The following DACH2 variants were observed in gnomAD, a reference collection of about 807,000 sequenced individuals.
DACH2 encodes dachshund homolog 2.
Under a neutral mutation model 35.8 loss-of-function variants are expected in DACH2, and 17 were observed. The observed-to-expected ratio is 0.48, with a 90% CI of 0.33 to 0.71. The LOEUF (loss-of-function observed/expected upper bound fraction) is 0.71, where lower values mean the gene tolerates loss of function less well. Among genes scored for constraint, DACH2 ranks in the 30% least tolerant of loss-of-function variants. The probability of loss-of-function intolerance (pLI) is 0.02; values close to 1 mark genes in which losing one functional copy is unlikely to be tolerated. For missense variants in DACH2, 469 were observed against 472.7 expected (o/e 0.99, Z 0.07); for synonymous variants, 195 against 177.3 (o/e 1.10, Z -0.79).
chrX:86,517,735 T>C (rs931175251), intron 3 of DACH2, among the ~76,000 whole-genome samples: 35 of 111,634 alleles, frequency 3.1e-4, no homozygotes, highest in African/African-American at 1.1e-3. Flanking sequence ...CGCTTTTTAA[T>C]GGGGTTGTTT....
At chrX:86,822,497 T>TAAG (rs1476471133) in intron 11 of DACH2, among the ~76,000 whole-genome samples, 1 of 112,246 alleles carries the variant, frequency 8.9e-6, no homozygotes, top group Admixed American at 9.5e-5. Flanking sequence ...GAAAATAACC[T>TAAG]AAGTTAATTT....
intron 1 of DACH2, among the ~76,000 whole-genome samples, chrX:86,257,177 G>A (rs2033536770): frequency 9.0e-6 from 1 of 111,242 alleles, no homozygotes; most frequent in Non-Finnish European, 1.9e-5. Context: ...TGGGCGTATT[G>A]ATTGTATTTT....
At chrX:86,248,039 C>G (rs1460952164) in intron 1 of DACH2, among the ~76,000 whole-genome samples, 1 of 110,713 alleles carries the variant, frequency 9.0e-6, no homozygotes, top group Admixed American at 9.6e-5. Context: ...AAAAATACCT[C>G]AAAATAATAA....
intron 4 of DACH2, among the ~76,000 whole-genome samples, chrX:86,689,278 G>A (rs188445931): frequency 9.0e-6 from 1 of 111,384 alleles, no homozygotes; most frequent in East Asian, 2.8e-4. Flanking sequence ...TACAGGAAAA[G>A]CAAATAAAAG....
intron 1 of DACH2, among the ~76,000 whole-genome samples, chrX:86,371,020 A>T (rs978672428): frequency 7.2e-5 from 8 of 111,249 alleles, no homozygotes; most frequent in African/African-American, 2.6e-4. Context: ...TATTTTTGAT[A>T]TTCTTTGTTT....
In DACH2 at chrX:86,677,973, C is replaced by T. The variant is rs192585418; in HGVS notation, c.773-17048C>T. ...AATACTTGGAGGGAGTCAGGGTAAA[C>T]AGCCATGAATGCCACCTCTGGCAGA... On this transcript the variant is annotated intron_variant, in intron 4 of 11. Coordinates refer to ENST00000373125, the MANE Select transcript of DACH2 (RefSeq NM_053281.3). 4.0e-4 allele frequency among the ~76,000 whole-genome samples: 45 copies of T among 112,315 alleles called. No homozygotes were observed. The East Asian group carries it at 0.012, about 29-fold the overall frequency.
intron 1 of DACH2, among the ~76,000 whole-genome samples, chrX:86,167,900 A>G (rs2030997482): frequency 9.0e-6 from 1 of 111,703 alleles, no homozygotes; most frequent in Admixed American, 9.5e-5. Flanking sequence ...TAGTCAGAGA[A>G]GATGTTTGAT....
At chrX:86,740,510 C>T (rs1284662047) in intron 7 of DACH2, among the ~76,000 whole-genome samples, 1 of 75,030 alleles carries the variant, frequency 1.3e-5, no homozygotes, top group Non-Finnish European at 2.5e-5. Flanking sequence ...CCCCTCCCCC[C>T]ACCCCACAAC....
At chrX:86,371,523 T>A in intron 1 of DACH2, among the ~76,000 whole-genome samples, 1 of 111,197 alleles carries the variant, frequency 9.0e-6, no homozygotes, top group Middle Eastern at 4.2e-3. Context: ...TTTGTTTGGA[T>A]GCCTCCTACA....
At chrX:86,189,892 G>A (rs1297568527) in intron 1 of DACH2, among the ~76,000 whole-genome samples, 3 of 110,399 alleles carry the variant, frequency 2.7e-5, no homozygotes, top group Non-Finnish European at 3.8e-5. Flanking sequence ...GGCTGGGCAC[G>A]GTGGCTCAAG....
At chrX:86,263,264 T>C (rs2147964437) in intron 1 of DACH2, among the ~76,000 whole-genome samples, 1 of 112,126 alleles carries the variant, frequency 8.9e-6, no homozygotes, top group Admixed American at 9.5e-5. Context: ...AAGTAGCCAA[T>C]GCCTTTAAAA....
intron 1 of DACH2, among the ~76,000 whole-genome samples, chrX:86,292,915 G>A (rs1269404803): frequency 3.5e-4 from 36 of 102,831 alleles, no homozygotes; most frequent in African/African-American, 1.3e-3. Context: ...GATTTGGGGT[G>A]GAGAGTTCTG....
chrX:86,419,868 G>A (rs904733146), intron 2 of DACH2, among the ~76,000 whole-genome samples: 14 of 111,681 alleles, frequency 1.3e-4, no homozygotes, highest in African/African-American at 4.6e-4. Flanking sequence ...CCAATAGAAA[G>A]GGTGGAATTG....
intron 3 of DACH2, among the ~76,000 whole-genome samples, chrX:86,587,393 A>G (rs988585794): frequency 1.8e-5 from 2 of 111,432 alleles, no homozygotes; most frequent in African/African-American, 6.5e-5. Context: ...TGTTATTTGG[A>G]TAACTTTTCT....
chrX:86,498,650 T>C (rs1304517981), intron 2 of DACH2, among the ~76,000 whole-genome samples: 1 of 112,512 alleles, frequency 8.9e-6, no homozygotes, highest in Non-Finnish European at 1.9e-5. Flanking sequence ...GTTTTTACTT[T>C]GAATCTTTAA....
At chrX:86,410,005 A>T (rs2036584885) in intron 2 of DACH2, among the ~76,000 whole-genome samples, 1 of 111,781 alleles carries the variant, frequency 8.9e-6, no homozygotes, top group Non-Finnish European at 1.9e-5. Flanking sequence ...TGCTGATGGG[A>T]TGTGTTGGAG....
chrX:86,821,612 G>A (rs1174954027), intron 11 of DACH2, among the ~76,000 whole-genome samples: 8 of 111,363 alleles, frequency 7.2e-5, no homozygotes, highest in Non-Finnish European at 9.4e-5. Context: ...ATATCTGTCA[G>A]ACCATAGTAC....
At chrX:86,572,242 T>TA (rs1244330082) in intron 3 of DACH2, among the ~76,000 whole-genome samples, 6 of 110,626 alleles carry the variant, frequency 5.4e-5, no homozygotes, top group South Asian at 3.8e-4. Context: ...TAAAGTATAA[T>TA]AAAAAAAAGA....
At chrX:86,403,482 A>C (rs1188556117) in intron 2 of DACH2, among the ~76,000 whole-genome samples, 2 of 112,298 alleles carry the variant, frequency 1.8e-5, no homozygotes, top group East Asian at 5.6e-4. Context: ...ATACCATTTC[A>C]CATCAGTCAG....
Sources: allele counts gnomAD v4.1 joint callset (sites outside exome capture counted in the v4.1 genomes callset), GRCh38; gene constraint gnomAD v4.1.1; transcripts MANE v1.5; gene names NCBI Gene and HGNC (gene_info 2026-07-23, HGNC 2026-07-21).